Variants in FAM228B observed in about 807,000 individuals in gnomAD.
FAM228B encodes the protein protein FAM228B.
In FAM228B, 38 loss-of-function variants were observed where a neutral mutation model predicts 42.6. The ratio of observed to expected loss-of-function variants is 0.89; its 90% CI spans 0.69 to 1.17. FAM228B has a LOEUF of 1.17. Among genes scored for constraint, FAM228B ranks in the 50% most tolerant of loss-of-function variants. The probability of loss-of-function intolerance (pLI) is 0.00; values close to 1 mark genes in which losing one functional copy is unlikely to be tolerated. For missense variants in FAM228B, 344 were observed against 367.3 expected, an observed-to-expected ratio of 0.94 and a Z score of 0.52; for synonymous variants, 109 against 122.3, an observed-to-expected ratio of 0.89 and a Z score of 0.72.
upstream of FAM228B, chr2:24,119,752 T>C: frequency 8.7e-7 from 1 of 1,154,484 alleles, no homozygotes; most frequent in East Asian, 2.3e-5. Flanking sequence ...ATGCTCCAGC[T>C]ACGTTTTTCA....
chr2:24,130,986 G>T (rs1227457633), intron 2 of FAM228B, among the ~76,000 whole-genome samples: 1 of 152,104 alleles, frequency 6.6e-6, no homozygotes, highest in African/African-American at 2.4e-5. Flanking sequence ...GTAAGGAAAG[G>T]GTCCAGTTTC....
At chr2:24,146,875 G>A (rs1044328316) in intron 6 of FAM228B, 40 bp downstream of exon 6, 57 of 1,537,906 alleles carry the variant, frequency 3.7e-5, no homozygotes, top group Admixed American at 2.4e-4. Context: ...CATAGCCCAA[G>A]AGCAATGGCA....
chr2:24,126,904 G>A (rs967543740), intron 2 of FAM228B, among the ~76,000 whole-genome samples: 7 of 152,192 alleles, frequency 4.6e-5, no homozygotes, highest in African/African-American at 7.2e-5. Context: ...GATTACAGGC[G>A]TGAGCCACCG....
chr2:24,141,866 C>T (rs6720131), intron 5 of FAM228B, among the ~76,000 whole-genome samples: 24,512 of 152,026 alleles, frequency 0.16, 2,147 homozygotes, highest in South Asian at 0.21. Context: ...AAAGTGGTCC[C>T]ACAGCCTCCC....
chr2:24,114,438 G>A (rs1163272796), intron 3 of FAM228B, among the ~76,000 whole-genome samples: 1 of 152,102 alleles, frequency 6.6e-6, no homozygotes, highest in African/African-American at 2.4e-5. Context: ...AGGGTCAGAT[G>A]TAAGAGGGAC....
At chr2:24,085,874 C>T (rs961265820) in intron 2 of FAM228B, 1 of 152,128 alleles carries the variant, frequency 6.6e-6, no homozygotes, top group African/African-American at 2.4e-5. Context: ...GAGCAAAAGC[C>T]TATAGAGATG....
At chr2:24,101,928 C>T (rs1665617674) in intron 3 of FAM228B, among the ~76,000 whole-genome samples, 2 of 152,128 alleles carry the variant, frequency 1.3e-5, no homozygotes, top group African/African-American at 2.4e-5. Flanking sequence ...GTGATCTGCC[C>T]GCCTTGGCTT....
At chr2:24,139,866 A>G in intron 5 of FAM228B, among the ~76,000 whole-genome samples, 1 of 152,178 alleles carries the variant, frequency 6.6e-6, no homozygotes, top group Admixed American at 6.5e-5. Flanking sequence ...GTGTGTATGT[A>G]TTCACATTTT....
chr2:24,136,160 C>T (rs1666582202), intron 3 of FAM228B, among the ~76,000 whole-genome samples: 1 of 145,904 alleles, frequency 6.9e-6, no homozygotes, highest in African/African-American at 2.5e-5. Flanking sequence ...CTCCTGGGCT[C>T]AAGTGATTCT....
chr2:24,104,180 G>A (rs968817512), intron 3 of FAM228B, among the ~76,000 whole-genome samples: 1 of 152,184 alleles, frequency 6.6e-6, no homozygotes. Flanking sequence ...CACAGGACAG[G>A]GTGAGTGAGT....
upstream of FAM228B, chr2:24,119,806 C>T: frequency 1.1e-5 from 7 of 634,966 alleles, no homozygotes; most frequent in Non-Finnish European, 1.9e-5. Flanking sequence ...ATGGAATATA[C>T]ATATTCCGTA....
chr2:24,097,451 C>CAAAAAAAAA (rs142500481), intron 3 of FAM228B: 1 of 70,378 alleles, frequency 1.4e-5, no homozygotes, highest in East Asian at 5.0e-4. Context: ...AAATGGAAAG[C>CAAAAAAAAA]AAAAAAAAAA....
At chr2:24,091,981 C>A (rs573114158) in intron 2 of FAM228B, among the ~76,000 whole-genome samples, 1 of 151,982 alleles carries the variant, frequency 6.6e-6, no homozygotes, top group East Asian at 1.9e-4. Flanking sequence ...TCTGTAATCC[C>A]AGCACTTTGG....
chr2:24,144,326 A>C (rs1169675347), intron 5 of FAM228B, among the ~76,000 whole-genome samples: 1 of 151,970 alleles, frequency 6.6e-6, no homozygotes, highest in Non-Finnish European at 1.5e-5. Flanking sequence ...GGTCCCAGCC[A>C]CTCGGGAGGT....
At chr2:24,164,160 G>A (rs1667342755) in intron 8 of FAM228B, 38 bp from the exon 9 acceptor site, 1 of 1,521,794 alleles carries the variant, frequency 6.6e-7, no homozygotes. Flanking sequence ...TGAGTTGAGA[G>A]TTAAGAGAAT....
At chr2:24,158,248 C>T (rs1427001702) in intron 7 of FAM228B, among the ~76,000 whole-genome samples, 1 of 118,754 alleles carries the variant, frequency 8.4e-6, no homozygotes, top group African/African-American at 3.2e-5. Context: ...ATTAAAATGC[C>T]GCTTTAAAAC....
upstream of FAM228B, chr2:24,121,147 A>C (rs1178717231): frequency 6.2e-7 from 1 of 1,613,882 alleles, no homozygotes; most frequent in South Asian, 1.1e-5. Flanking sequence ...GCTCTCTTCA[A>C]ATCTTGAGCA....
intron 2 of FAM228B, among the ~76,000 whole-genome samples, chr2:24,088,936 G>C (rs1461336658): frequency 6.6e-6 from 1 of 152,232 alleles, no homozygotes. Context: ...ATTGATGTGG[G>C]AATAAAACCT....
chr2:24,104,110 A>G (rs960300719), intron 3 of FAM228B, among the ~76,000 whole-genome samples: 3 of 152,184 alleles, frequency 2.0e-5, no homozygotes, highest in African/African-American at 7.2e-5. Flanking sequence ...GAGTGCAGAA[A>G]GGAGTGAAGC....
Sources: gnomAD v4.1 joint callset for allele counts (sites outside exome capture counted in the v4.1 genomes callset) on GRCh38, gnomAD v4.1.1 for gene constraint, MANE v1.5 for transcripts, NCBI Gene and HGNC (gene_info 2026-07-23, HGNC 2026-07-21) for gene names.